The following MTMR2 variants were observed in gnomAD, a reference collection of about 807,000 sequenced individuals.
The protein encoded by MTMR2 is phosphatidylinositol-3,5-bisphosphate 3-phosphatase MTMR2.
Under a neutral mutation model 86.9 loss-of-function variants are expected in MTMR2, and 55 were observed. That is an observed-to-expected ratio of 0.63 (90% confidence interval 0.51 to 0.79). The LOEUF (loss-of-function observed/expected upper bound fraction) is 0.79. MTMR2 is among the 30% of genes least tolerant of loss of function. The pLI is 0.00. For synonymous variants in MTMR2, 241 were observed against 266.8 expected (o/e 0.90, Z 0.94); for missense variants, 659 against 772.3 (o/e 0.85, Z 1.74).
At chr11:95,921,212 CA>C (rs1866909127) in intron 1 of MTMR2, among the ~76,000 whole-genome samples, 1 of 152,154 alleles carries the variant, frequency 6.6e-6, no homozygotes, top group Non-Finnish European at 1.5e-5. Context: ...CTAAACTCAG[CA>C]GAAATTTATG....
intron 10 of MTMR2, 33 bp downstream of exon 10, chr11:95,847,680 AG>A: frequency 1.3e-6 from 2 of 1,528,942 alleles, no homozygotes; most frequent in South Asian, 1.1e-5. Flanking sequence ...GGGTAGAGAG[AG>A]TCTTTGTTTG....
intron 2 of MTMR2, among the ~76,000 whole-genome samples, chr11:95,865,891 G>A (rs1035297915): frequency 1.7e-4 from 25 of 149,546 alleles, no homozygotes; most frequent in African/African-American, 5.7e-4. Context: ...TCATATCAAA[G>A]CACTCTACAT....
chr11:95,913,752 G>A (rs377572440), intron 1 of MTMR2, among the ~76,000 whole-genome samples: 3 of 152,106 alleles, frequency 2.0e-5, no homozygotes. Context: ...GGAAGGGAAA[G>A]AGGAGGGGAA....
chr11:95,873,019 A>G (rs1020919833), intron 2 of MTMR2, among the ~76,000 whole-genome samples: 1 of 152,186 alleles, frequency 6.6e-6, no homozygotes. Context: ...TCGGTTTGCC[A>G]GTATTTTATT....
intron 6 of MTMR2, among the ~76,000 whole-genome samples, chr11:95,857,983 T>C (rs916878934): frequency 6.6e-6 from 1 of 152,028 alleles, no homozygotes; most frequent in Non-Finnish European, 1.5e-5. Context: ...TGAACTGGAG[T>C]CATAAGACCA....
At chr11:95,864,669 C>T (rs1864543293) in intron 3 of MTMR2, among the ~76,000 whole-genome samples, 1 of 151,940 alleles carries the variant, frequency 6.6e-6, no homozygotes, top group Non-Finnish European at 1.5e-5. Context: ...ATAAGGCTAA[C>T]TGGGGAAAAG....
At chr11:95,862,910 A>G (rs571039086) in intron 3 of MTMR2, among the ~76,000 whole-genome samples, 6 of 152,340 alleles carry the variant, frequency 3.9e-5, no homozygotes, top group African/African-American at 1.4e-4. Flanking sequence ...ATAATTTCTT[A>G]GAAAAATAAC....
chr11:95,898,346 C>A (rs1424604946), intron 1 of MTMR2, among the ~76,000 whole-genome samples: 1 of 151,760 alleles, frequency 6.6e-6, no homozygotes, highest in Non-Finnish European at 1.5e-5. Flanking sequence ...TTTGGTTATC[C>A]CATTTCTCAG....
At chr11:95,923,260 A>C (rs1301746956) in intron 1 of MTMR2, among the ~76,000 whole-genome samples, 2 of 152,226 alleles carry the variant, frequency 1.3e-5, no homozygotes, top group Admixed American at 6.5e-5. Flanking sequence ...GGGGATAAAA[A>C]CCACTCAGAT....
intron 9 of MTMR2, among the ~76,000 whole-genome samples, chr11:95,848,290 C>T (rs1313609895): frequency 1.3e-5 from 2 of 152,116 alleles, no homozygotes; most frequent in Admixed American, 6.6e-5. Flanking sequence ...GTGCTGAGAC[C>T]ACATGTCTGG....
intron 9 of MTMR2, 122 bp from the exon 10 acceptor site, chr11:95,848,021 G>A: frequency 1.0e-6 from 1 of 958,986 alleles, no homozygotes; most frequent in Non-Finnish European, 1.6e-6. Context: ...AACTCCACAG[G>A]AAAATGTGGA....
intron 1 of MTMR2, among the ~76,000 whole-genome samples, chr11:95,919,718 G>A (rs932450313): frequency 6.6e-6 from 1 of 152,264 alleles, no homozygotes; most frequent in Middle Eastern, 3.4e-3. Context: ...GCTTAGACCT[G>A]AAATTGCAAG....
At chr11:95,921,410 C>G (rs958653664) in intron 1 of MTMR2, among the ~76,000 whole-genome samples, 2 of 152,142 alleles carry the variant, frequency 1.3e-5, no homozygotes, top group African/African-American at 4.8e-5. Flanking sequence ...ATAGGCCAAA[C>G]AGCAATAATT....
At chr11:95,843,660 C>G (rs1863646693) in intron 11 of MTMR2, among the ~76,000 whole-genome samples, 1 of 152,064 alleles carries the variant, frequency 6.6e-6, no homozygotes, top group South Asian at 2.1e-4. Flanking sequence ...ATATAAAATT[C>G]AGCTATCTTC....
chr11:95,844,954 A>G lies in MTMR2; in HGVS notation c.1385T>C (p.Leu462Pro), dbSNP rs1246895006. 4.3e-6 allele frequency: 7 copies of G among 1,609,944 alleles called. No individual in the cohort carries two copies. The highest frequency in any genetic ancestry group is 1.3e-5 in the African/African-American group (1 of 74,788). ...CCAAAGTCAAGGTTCCTTACTTACT[A>G]GTTGAAATCGATGTCCAAAACTTAG... is the stretch of plus-strand genomic sequence containing the variant. Reference protein sequence around the residue: ...EWLSFGHRFQLRVGHGDKNHA... With the variant: ...EWLSFGHRFQPRVGHGDKNHA... Residue 462 changes from leucine to proline, a missense_variant and splice_region_variant, in exon 11 of 15, where the codon CTA (leucine) becomes CCA (proline). Physicochemically the swap from Leu to Pro is moderately conservative, Grantham distance 98 (BLOSUM62 -3). Coordinates refer to ENST00000346299, the MANE Select transcript of MTMR2 (RefSeq NM_016156.6).
Position 95,847,710 on chromosome 11 carries a change from C to T in MTMR2, c.1179+4G>A. 2 of 1,587,678 alleles carry T rather than the reference C, an allele frequency of 1.3e-6. No individual in the cohort carries two copies. Among genetic ancestry groups the T allele is most frequent in the Non-Finnish European group, 1.7e-6 (2 of 1,158,762 alleles). ...TTGTTTGGGATATAGTAACACACACCCACCTTAATATGTTCTAGCCAATGA... is the reference window on the plus strand; with the variant it reads ...TTGTTTGGGATATAGTAACACACACTCACCTTAATATGTTCTAGCCAATGA... On this transcript the variant is annotated splice_donor_region_variant and intron_variant, in intron 10 of 14. Coordinates refer to ENST00000346299, the MANE Select transcript of MTMR2 (RefSeq NM_016156.6).
chr11:95,910,935 G>C (rs989269506), intron 1 of MTMR2, among the ~76,000 whole-genome samples: 2 of 151,898 alleles, frequency 1.3e-5, no homozygotes, highest in African/African-American at 4.8e-5. Context: ...AGACACAAAA[G>C]ACTTATTGTC....
chr11:95,850,965 A>G (rs1241329860), intron 7 of MTMR2, among the ~76,000 whole-genome samples: 1 of 152,046 alleles, frequency 6.6e-6, no homozygotes, highest in Non-Finnish European at 1.5e-5. Context: ...TGATGTTAAT[A>G]TAACAGACAT....
rs1343755891 is a variant in MTMR2, at chr11:95,843,328, A to G, written c.1387-1619T>C. Among the ~76,000 whole-genome samples the G allele has an allele frequency of 3.9e-5, 6 of 152,192 alleles. No homozygotes were observed. The South Asian group carries it at 8.3e-4, about 21-fold the overall frequency. On this transcript the variant is annotated intron_variant, in intron 11 of 14. Coordinates refer to ENST00000346299, the MANE Select transcript of MTMR2 (RefSeq NM_016156.6). ...ACATTTGGAAGATCTGTGTAACTCA[A>G]TAAGCCAGTATTTTCCAAATAACCA...
Sources: gnomAD v4.1 joint callset for allele counts (sites outside exome capture counted in the v4.1 genomes callset) on GRCh38, gnomAD v4.1.1 for gene constraint, MANE v1.5 for transcripts, NCBI Gene and HGNC (gene_info 2026-07-23, HGNC 2026-07-21) for gene names.